Variants in PRKCE observed in about 807,000 individuals in gnomAD.
PRKCE encodes protein kinase C epsilon.
Under a neutral mutation model 85.4 loss-of-function variants are expected in PRKCE, and 16 were observed. The ratio of observed to expected loss-of-function variants is 0.19; its 90% CI spans 0.13 to 0.28. The LOEUF (loss-of-function observed/expected upper bound fraction) is 0.28, where lower values mean the gene tolerates loss of function less well. PRKCE is among the 10% of genes least tolerant of loss of function. The probability of loss-of-function intolerance (pLI) is 1.00; values close to 1 mark genes in which losing one functional copy is unlikely to be tolerated. For synonymous variants in PRKCE, 388 were observed against 371.5 expected (o/e 1.04, Z -0.51); for missense variants, 573 against 975.2 (o/e 0.59, Z 5.49).
At chr2:45,784,423 A>G (rs991378633) in intron 1 of PRKCE, among the ~76,000 whole-genome samples, 2 of 152,222 alleles carry the variant, frequency 1.3e-5, no homozygotes, top group Non-Finnish European at 2.9e-5. Flanking sequence ...TTAAAAGATA[A>G]TCAGATTAAT....
Position 46,001,862 on chromosome 2 carries a change from T to C in PRKCE, c.966+316T>C, listed in dbSNP as rs1330003928. ...ACAACTCCATACAAGGAAATGGACT[T>C]ATCTGCTTCCAGAACTGGCATGAAA... On this transcript the variant is annotated intron_variant, in intron 7 of 14. Transcript: ENST00000306156. The surrounding 1 kb of genome is among the most constrained non-coding windows in gnomAD (Gnocchi z 4.4). Among the ~76,000 whole-genome samples the C allele has an allele frequency of 6.6e-6, 1 of 152,216 alleles. No homozygotes were observed. The highest frequency in any genetic ancestry group is 1.9e-4 in the East Asian group (1 of 5,200).
intron 10 of PRKCE, among the ~76,000 whole-genome samples, chr2:46,021,448 G>T (rs575431016): frequency 6.6e-6 from 1 of 152,284 alleles, no homozygotes; most frequent in African/African-American, 2.4e-5. Flanking sequence ...GAGGCAGTGG[G>T]GAAGAACTTC....
intron 2 of PRKCE, among the ~76,000 whole-genome samples, chr2:45,900,461 C>T (rs1402626025): frequency 6.6e-6 from 1 of 152,226 alleles, no homozygotes; most frequent in African/African-American, 2.4e-5. Context: ...CTGATACATG[C>T]TACGCCATGG....
chr2:45,765,283 C>T (rs1684823071), intron 1 of PRKCE, among the ~76,000 whole-genome samples: 1 of 152,166 alleles, frequency 6.6e-6, no homozygotes, highest in South Asian at 2.1e-4. Context: ...AATAAGCTTT[C>T]TGAAGAGGTT....
intron 1 of PRKCE, among the ~76,000 whole-genome samples, chr2:45,734,913 C>T (rs566415071): frequency 5.3e-5 from 8 of 152,278 alleles, no homozygotes; most frequent in Non-Finnish European, 1.0e-4. Context: ...AGTCCATCCT[C>T]GCTGTAGAGC....
chr2:45,800,670 C>G (rs1343779821), intron 1 of PRKCE, among the ~76,000 whole-genome samples: 1 of 152,144 alleles, frequency 6.6e-6, no homozygotes, highest in Non-Finnish European at 1.5e-5. Context: ...GCCTTAAGCC[C>G]CACAAGGAGT....
chr2:46,181,119 T>G (rs1641705733), intron 14 of PRKCE, among the ~76,000 whole-genome samples: 1 of 152,192 alleles, frequency 6.6e-6, no homozygotes, highest in Admixed American at 6.5e-5. Flanking sequence ...GTCCAGTGCC[T>G]GCTCTGTGCG....
At position 46,004,292 on chromosome 2, in the gene PRKCE, C is replaced by T. The variant is rs762097074; in HGVS notation, c.967-250C>T. 4.6e-6 allele frequency: 2 copies of T among 436,458 alleles called. No homozygotes were observed. The highest frequency in any genetic ancestry group is 9.3e-5 in the East Asian group (2 of 21,472). 27.0% of individuals were successfully genotyped at this position (436,458 alleles called of 1,614,324 possible). On this transcript the variant is annotated intron_variant, in intron 7 of 14. Coordinates refer to ENST00000306156, the MANE Select transcript of PRKCE (RefSeq NM_005400.3). The surrounding 1 kb of genome is among the most constrained non-coding windows in gnomAD (Gnocchi z 4.1). ...GCTCTTTGGAATGAGGGGAAGACAT[C>T]ATCCTTCTGTGAATGTAGGGAAGGT...
intron 6 of PRKCE, among the ~76,000 whole-genome samples, chr2:45,991,344 A>G (rs1231031123): frequency 6.6e-6 from 1 of 151,298 alleles, no homozygotes. Flanking sequence ...ATCCAAATAC[A>G]AGGTCCATGA....
chr2:45,700,752 G>A (rs1678566646), intron 1 of PRKCE: 1 of 152,200 alleles, frequency 6.6e-6, no homozygotes, highest in African/African-American at 2.4e-5. Flanking sequence ...CTTTGCAGAT[G>A]TAATCAAGTT....
intron 2 of PRKCE, among the ~76,000 whole-genome samples, chr2:45,884,968 TATATATATATATATATATA>T (rs1452695990): frequency 1.7e-5 from 1 of 60,590 alleles, no homozygotes; most frequent in South Asian, 1.7e-3. Flanking sequence ...TATATATATA[TATATATATATATATATATA>T]TATATATATA....
intron 2 of PRKCE, among the ~76,000 whole-genome samples, chr2:45,971,070 G>T (rs935460277): frequency 2.0e-5 from 3 of 152,002 alleles, no homozygotes; most frequent in African/African-American, 7.3e-5. Flanking sequence ...AGTATACAAT[G>T]CAGTGTGTTA....
At chr2:45,782,875 T>A (rs886073636) in intron 1 of PRKCE, among the ~76,000 whole-genome samples, 4 of 152,194 alleles carry the variant, frequency 2.6e-5, no homozygotes, top group Non-Finnish European at 5.9e-5. Flanking sequence ...CAGCCAGTTT[T>A]CTCGTGTCTG....
rs543277247 is a variant in PRKCE, at chr2:46,047,775, A to G, written c.1437+37258A>G. On this transcript the variant is annotated intron_variant, in intron 10 of 14. Coordinates refer to ENST00000306156, the MANE Select transcript of PRKCE (RefSeq NM_005400.3). ...TAACTCAAAAGTGAATACTTGGAAA[A>G]AAGATTTTTTCAATAGGGAGGATAT... Among the ~76,000 whole-genome samples, 53 of 152,304 alleles carry G rather than the reference A, an allele frequency of 3.5e-4. 2 individuals carry two copies. In the South Asian group the frequency reaches 9.9e-3, roughly 29 times the overall value.
intron 11 of PRKCE, among the ~76,000 whole-genome samples, chr2:46,106,625 C>T (rs1186053626): frequency 1.3e-5 from 2 of 152,366 alleles, no homozygotes; most frequent in East Asian, 3.8e-4. Context: ...AGGCTGCTTT[C>T]CTGCTACCTC....
intron 2 of PRKCE, among the ~76,000 whole-genome samples, chr2:45,931,941 C>A (rs1440671613): frequency 6.6e-6 from 1 of 152,114 alleles, no homozygotes; most frequent in Non-Finnish European, 1.5e-5. Flanking sequence ...AACTCCTGAC[C>A]TCTGACCTCA....
chr2:46,097,519 C>CAAAAAAAAAAAACAAAAAAAAAAA (rs1670814710), intron 11 of PRKCE, among the ~76,000 whole-genome samples: 1 of 94,124 alleles, frequency 1.1e-5, no homozygotes, highest in Non-Finnish European at 2.2e-5. Context: ...GACTCCGTCT[C>CAAAAAAAAAAAACAAAAAAAAAAA]AAAAAAAAAA....
intron 1 of PRKCE, among the ~76,000 whole-genome samples, chr2:45,716,197 T>C: frequency 6.6e-6 from 1 of 152,200 alleles, no homozygotes; most frequent in Non-Finnish European, 1.5e-5. Context: ...CCATGGTGTA[T>C]TACTTCGTTC....
chr2:45,890,854 A>G (rs1278261113), intron 2 of PRKCE, among the ~76,000 whole-genome samples: 1 of 152,164 alleles, frequency 6.6e-6, no homozygotes, highest in African/African-American at 2.4e-5. Flanking sequence ...TGTTGGATAG[A>G]GTGGAATTAT....
Sources: gnomAD v4.1 joint callset for allele counts (sites outside exome capture counted in the v4.1 genomes callset) on GRCh38, gnomAD v4.1.1 for gene constraint, Gnocchi (gnomAD v3.1) non-coding constraint, MANE v1.5 for transcripts, NCBI Gene and HGNC (gene_info 2026-07-23, HGNC 2026-07-21) for gene names.